Variants in RANBP2 observed in about 807,000 individuals in gnomAD.
RANBP2 encodes the protein RAN binding protein 2, also known as E3 SUMO-protein ligase RanBP2.
RANBP2 carries 57 observed loss-of-function variants against 303.6 expected under a neutral mutation model. The ratio of observed to expected loss-of-function variants is 0.19; its 90% CI spans 0.15 to 0.23. The LOEUF (loss-of-function observed/expected upper bound fraction) is 0.23. Ranked by LOEUF, RANBP2 falls within the 10% of genes least tolerant of loss-of-function variation. The pLI is 1.00. For synonymous variants in RANBP2, 1,167 were observed against 1,301.5 expected (o/e 0.90, Z 2.23); for missense variants, 3,138 against 3,780.8 (o/e 0.83, Z 4.46).
the RANBP2 span, among the ~76,000 whole-genome samples, chr2:109,364,902 C>A: frequency 6.6e-6 from 1 of 152,086 alleles, no homozygotes; most frequent in African/African-American, 2.4e-5. Flanking sequence ...ACCAGCCTGG[C>A]CAACATGGTG....
At chr2:108,788,766 T>G (rs1389298283), downstream of RANBP2, 11 of 1,495,944 alleles carry the variant, frequency 7.4e-6, no homozygotes, top group Non-Finnish European at 9.8e-6. Flanking sequence ...ATTTTAAAAA[T>G]AGTATTATTT....
the RANBP2 span, chr2:108,876,275 G>C: frequency 7.3e-7 from 1 of 1,371,616 alleles, no homozygotes; most frequent in South Asian, 1.5e-5. Context: ...TTTTAATATA[G>C]TATATGTGGT....
the RANBP2 span, among the ~76,000 whole-genome samples, chr2:109,473,033 G>T: frequency 2.0e-5 from 3 of 152,222 alleles, no homozygotes; most frequent in African/African-American, 7.2e-5. Context: ...GGCTGAGATG[G>T]CAAGGAGACA....
the RANBP2 span, among the ~76,000 whole-genome samples, chr2:109,160,724 C>G: frequency 1.3e-5 from 2 of 152,256 alleles, no homozygotes; most frequent in East Asian, 3.9e-4. Flanking sequence ...TGTCCCTGCT[C>G]CTACTCTGGG....
the RANBP2 span, among the ~76,000 whole-genome samples, chr2:108,924,095 G>A: frequency 1.3e-5 from 2 of 152,368 alleles, no homozygotes; most frequent in East Asian, 1.9e-4. Context: ...CCTTGGAAGT[G>A]CAAGCCTTTA....
the RANBP2 span, among the ~76,000 whole-genome samples, chr2:109,700,178 G>A: frequency 6.6e-6 from 1 of 152,152 alleles, no homozygotes; most frequent in Non-Finnish European, 1.5e-5. Context: ...GTAGTGTCCG[G>A]AATGTTTTCA....
At chr2:109,000,104 C>G in the RANBP2 span, among the ~76,000 whole-genome samples, 7 of 152,202 alleles carry the variant, frequency 4.6e-5, no homozygotes, top group Non-Finnish European at 1.0e-4. Flanking sequence ...GCACCTGAAT[C>G]CAGAGTGTGT....
At chr2:108,922,608 AG>A in the RANBP2 span, among the ~76,000 whole-genome samples, 1 of 152,118 alleles carries the variant, frequency 6.6e-6, no homozygotes. Flanking sequence ...ACATGGGGGT[AG>A]TGGCGCCTTA....
the RANBP2 span, among the ~76,000 whole-genome samples, chr2:108,957,393 C>A: frequency 1.3e-5 from 2 of 152,240 alleles, no homozygotes; most frequent in Admixed American, 6.5e-5. Context: ...CAGGTAATGA[C>A]ATCTGTTTGG....
At chr2:109,238,326 A>T in the RANBP2 span, among the ~76,000 whole-genome samples, 72 of 152,364 alleles carry the variant, frequency 4.7e-4, no homozygotes, top group Non-Finnish European at 7.8e-4. Context: ...TAAAAATCTT[A>T]TAAATCTATG....
the RANBP2 span, among the ~76,000 whole-genome samples, chr2:109,374,043 G>C: frequency 6.6e-6 from 1 of 152,180 alleles, no homozygotes; most frequent in Non-Finnish European, 1.5e-5. Context: ...CTGCCTGTGG[G>C]TCTGAAAAGC....
the RANBP2 span, among the ~76,000 whole-genome samples, chr2:109,630,561 A>T: frequency 6.6e-6 from 1 of 152,180 alleles, no homozygotes; most frequent in South Asian, 2.1e-4. Flanking sequence ...CCTCCTGGCC[A>T]CCCTGGTGTC....
chr2:109,245,555 A>T, the RANBP2 span, among the ~76,000 whole-genome samples: 10 of 152,306 alleles, frequency 6.6e-5, no homozygotes, highest in East Asian at 1.5e-3. Context: ...GACAAACTGC[A>T]CCTCTAGCCT....
At chr2:109,500,847 G>T in the RANBP2 span, among the ~76,000 whole-genome samples, 5 of 152,158 alleles carry the variant, frequency 3.3e-5, no homozygotes, top group African/African-American at 1.2e-4. Flanking sequence ...CTATTCGGGA[G>T]GCTGAGGTGG....
the RANBP2 span, among the ~76,000 whole-genome samples, chr2:109,513,898 G>A: frequency 6.6e-6 from 1 of 151,900 alleles, no homozygotes; most frequent in African/African-American, 2.4e-5. Context: ...ACCCCAGGGG[G>A]ACCACCGTGA....
chr2:109,024,249 A>G, the RANBP2 span, among the ~76,000 whole-genome samples: 1 of 152,150 alleles, frequency 6.6e-6, no homozygotes, highest in Non-Finnish European at 1.5e-5. Flanking sequence ...TCTGGGTAAA[A>G]TGGTGTTGTT....
At chr2:109,258,452 C>T in the RANBP2 span, among the ~76,000 whole-genome samples, 1 of 152,296 alleles carries the variant, frequency 6.6e-6, no homozygotes, top group South Asian at 2.1e-4. Context: ...TTGGAGGCTT[C>T]CTCGGGCCCT....
chr2:108,769,034 C>CA (rs397934184), intron 20 of RANBP2, among the ~76,000 whole-genome samples: 11,299 of 106,774 alleles, frequency 0.11, 434 homozygotes, highest in Non-Finnish European at 0.12. Flanking sequence ...ACTTTGTCTC[C>CA]AAAAAAAAAA....
the RANBP2 span, among the ~76,000 whole-genome samples, chr2:109,498,508 GC>G: frequency 1.3e-3 from 205 of 152,310 alleles, no homozygotes; most frequent in African/African-American, 4.8e-3. Flanking sequence ...TGGCTTCTGC[GC>G]CCCAGGCTCT....
Sources: allele counts gnomAD v4.1 joint callset (sites outside exome capture counted in the v4.1 genomes callset), GRCh38; gene constraint gnomAD v4.1.1; transcripts MANE v1.5; gene names NCBI Gene and HGNC (gene_info 2026-07-23, HGNC 2026-07-21).